DCDC1: variants seen among roughly 807,000 people sequenced by gnomAD.
The protein encoded by DCDC1 is doublecortin domain-containing protein 1.
DCDC1 carries 200 observed loss-of-function variants against 178.3 expected under a neutral mutation model. The observed-to-expected ratio is 1.12, with a 90% confidence interval of 1.00 to 1.26. The LOEUF (loss-of-function observed/expected upper bound fraction) is 1.26. Among genes scored for constraint, DCDC1 ranks in the 50% most tolerant of loss-of-function variants. DCDC1 has a pLI of 0.00. For missense variants in DCDC1, 1,983 were observed against 1,749.2 expected (o/e 1.13, Z -2.38); for synonymous variants, 690 against 604.8 (o/e 1.14, Z -2.07).
At chr11:31,364,524 A>G (rs1412025784) in intron 1 of DCDC1, among the ~76,000 whole-genome samples, 1 of 152,236 alleles carries the variant, frequency 6.6e-6, no homozygotes, top group Non-Finnish European at 1.5e-5. Context: ...GATAAGATAA[A>G]GACCTATAAG....
chr11:31,281,064 C>A (rs1946390607), intron 7 of DCDC1: 1 of 468,492 alleles, frequency 2.1e-6, no homozygotes, highest in Admixed American at 2.5e-5. Context: ...ATTTCACTTT[C>A]TAATTGTCAC....
chr11:31,104,468 T>C (rs1291816777), intron 13 of DCDC1, among the ~76,000 whole-genome samples: 1 of 151,966 alleles, frequency 6.6e-6, no homozygotes, highest in Non-Finnish European at 1.5e-5. Context: ...GAAAAATGCC[T>C]GGACTCTTGA....
intron 12 of DCDC1, among the ~76,000 whole-genome samples, chr11:31,107,169 G>A (rs571220525): frequency 6.6e-6 from 1 of 152,280 alleles, no homozygotes; most frequent in African/African-American, 2.4e-5. Flanking sequence ...TTAACCAGCA[G>A]GGGGGGCCAC....
chr11:30,985,535 A>G (rs548671747), intron 20 of DCDC1, among the ~76,000 whole-genome samples: 1 of 152,346 alleles, frequency 6.6e-6, no homozygotes, highest in Admixed American at 6.5e-5. Flanking sequence ...GTACAATGAC[A>G]TTTTAAAACA....
At chr11:31,042,089 A>C (rs1348945521) in intron 20 of DCDC1, among the ~76,000 whole-genome samples, 1 of 152,206 alleles carries the variant, frequency 6.6e-6, no homozygotes, top group African/African-American at 2.4e-5. Flanking sequence ...TTCCTTTAAC[A>C]ATAAAATTCT....
chr11:31,179,008 G>A (rs1267693903), intron 9 of DCDC1, among the ~76,000 whole-genome samples: 1 of 152,002 alleles, frequency 6.6e-6, no homozygotes, highest in Non-Finnish European at 1.5e-5. Flanking sequence ...GTTTTTAAAT[G>A]GGCAAAGGAC....
intron 25 of DCDC1, among the ~76,000 whole-genome samples, chr11:30,919,678 C>A (rs552363349): frequency 6.6e-6 from 1 of 152,060 alleles, no homozygotes; most frequent in Non-Finnish European, 1.5e-5. Context: ...GTCATAGGAC[C>A]AACTGAATCA....
At chr11:31,296,409 C>T (rs1591677209) in intron 6 of DCDC1, among the ~76,000 whole-genome samples, 1 of 152,194 alleles carries the variant, frequency 6.6e-6, no homozygotes, top group Non-Finnish European at 1.5e-5. Flanking sequence ...TCCCTTACTG[C>T]TCCATCAACA....
At chr11:31,305,894 A>G in intron 5 of DCDC1, 117 bp from the exon 6 acceptor site, 1 of 1,204,756 alleles carries the variant, frequency 8.3e-7, no homozygotes, top group Non-Finnish European at 1.1e-6. Flanking sequence ...ACTTGCCAAT[A>G]CAGTTATTTT....
rs1427616812 is a variant in DCDC1, at chr11:31,142,915, AG to A, written c.1222-5132del. On this transcript the variant is annotated intron_variant, in intron 9 of 38. Transcript: ENST00000684477. ...ATTAAAATTGTAGCTGTGGGCAAGG[AG>A]GGTATTGGGAACCTGAGCTGAACCA... Among the ~76,000 whole-genome samples the A allele has an allele frequency of 3.9e-5, 6 of 152,216 alleles. No homozygotes were observed. The East Asian group carries it at 1.2e-3, about 29-fold the overall frequency.
intron 22 of DCDC1, among the ~76,000 whole-genome samples, chr11:30,926,673 A>G (rs1946611442): frequency 6.6e-6 from 1 of 152,256 alleles, no homozygotes; most frequent in Non-Finnish European, 1.5e-5. Flanking sequence ...ACAAAATTAC[A>G]TAAAGTTGAC....
At chr11:31,163,479 T>C (rs193160459) in intron 9 of DCDC1, among the ~76,000 whole-genome samples, 1 of 152,294 alleles carries the variant, frequency 6.6e-6, no homozygotes, top group Admixed American at 6.5e-5. Flanking sequence ...TTCACCATGA[T>C]GCTAATCTAA....
chr11:31,168,290 C>A (rs1389580881), intron 9 of DCDC1, among the ~76,000 whole-genome samples: 8 of 152,162 alleles, frequency 5.3e-5, no homozygotes, highest in Non-Finnish European at 8.8e-5. Context: ...AGCACAATAG[C>A]CTAGCTGACC....
At chr11:30,915,321 G>C (rs1325284207) in intron 27 of DCDC1, among the ~76,000 whole-genome samples, 190 bp downstream of exon 27, 2 of 152,174 alleles carry the variant, frequency 1.3e-5, no homozygotes, top group Non-Finnish European at 2.9e-5. Flanking sequence ...ATTGTATGTA[G>C]CTTACCTAGC....
chr11:31,287,592 C>A (rs554431692), intron 7 of DCDC1, among the ~76,000 whole-genome samples: 2 of 151,826 alleles, frequency 1.3e-5, no homozygotes, highest in South Asian at 4.1e-4. Context: ...CTACAAAGGA[C>A]GATGAATCAG....
At chr11:31,257,339 C>T (rs1944477300) in intron 8 of DCDC1, among the ~76,000 whole-genome samples, 2 of 152,144 alleles carry the variant, frequency 1.3e-5, no homozygotes, top group African/African-American at 4.8e-5. Flanking sequence ...GTAGGCTCTA[C>T]ATTTTATCGT....
chr11:31,258,876 A>G (rs1944590087), intron 8 of DCDC1, among the ~76,000 whole-genome samples: 1 of 152,214 alleles, frequency 6.6e-6, no homozygotes, highest in African/African-American at 2.4e-5. Flanking sequence ...CTATGCCACC[A>G]GACATTGATC....
At chr11:31,064,177 T>A (rs909333678) in intron 20 of DCDC1, among the ~76,000 whole-genome samples, 2 of 152,148 alleles carry the variant, frequency 1.3e-5, no homozygotes, top group African/African-American at 4.8e-5. Context: ...GTATGGTCTG[T>A]AGTACCTTAG....
At chr11:31,336,781 G>C (rs1278231978) in intron 1 of DCDC1, among the ~76,000 whole-genome samples, 5 of 152,160 alleles carry the variant, frequency 3.3e-5, no homozygotes, top group Admixed American at 3.3e-4. Context: ...TAGCTGGGCA[G>C]GACCATATGA....
Sources: gnomAD v4.1 joint callset for allele counts (sites outside exome capture counted in the v4.1 genomes callset) on GRCh38, gnomAD v4.1.1 for gene constraint, MANE v1.5 for transcripts, NCBI Gene and HGNC (gene_info 2026-07-23, HGNC 2026-07-21) for gene names.